The following JAKMIP3 variants were observed in gnomAD, a reference collection of about 807,000 sequenced individuals.
JAKMIP3 encodes the protein Janus kinase and microtubule interacting protein 3, also known as janus kinase and microtubule-interacting protein 3.
JAKMIP3 carries 58 observed loss-of-function variants against 118.5 expected under a neutral mutation model. The observed-to-expected ratio is 0.49, with a 90% CI of 0.40 to 0.61. The LOEUF is 0.61. Among genes scored for constraint, JAKMIP3 ranks in the 20% least tolerant of loss-of-function variants. The pLI is 0.00. For synonymous variants in JAKMIP3, 486 were observed against 451.2 expected, an observed-to-expected ratio of 1.08 and a Z score of -0.98; for missense variants, 950 against 1,109.0, an observed-to-expected ratio of 0.86 and a Z score of 2.04.
chr10:132,046,461 GA>G (rs55907923), intron 1 of JAKMIP3, among the ~76,000 whole-genome samples: 3 of 147,796 alleles, frequency 2.0e-5, no homozygotes, highest in African/African-American at 7.5e-5. Context: ...GTCTCAAAAA[GA>G]AAAAAAAAAC....
At position 132,154,048 on chromosome 10, in the gene JAKMIP3, G is replaced by A. The variant is rs1271384259; in HGVS notation, c.2220+58G>A. On this transcript the variant is annotated intron_variant, in intron 19 of 23. Coordinates refer to ENST00000684848, the MANE Select transcript of JAKMIP3 (RefSeq NM_001323087.2). ...AGGGGCACTGGGCTGAAACGGCCAC[G>A]TGGCTCAGGTGCCCAGCAGTGCCTC... 1.5e-5 allele frequency: 23 copies of A among 1,523,144 alleles called. 1 individual carries two copies. Among genetic ancestry groups the A allele is most frequent in the South Asian group, 3.4e-5 (3 of 88,056 alleles). 94.4% of individuals were successfully genotyped at this position (1,523,144 alleles called of 1,614,324 possible).
intron 19 of JAKMIP3, among the ~76,000 whole-genome samples, chr10:132,162,158 T>C (rs2058420786): frequency 6.6e-6 from 1 of 152,132 alleles, no homozygotes; most frequent in African/African-American, 2.4e-5. Context: ...AGGAGGGGAA[T>C]GACTGGTTCC....
upstream of JAKMIP3, among the ~76,000 whole-genome samples, chr10:132,064,475 C>A (rs1322904145): frequency 6.6e-6 from 1 of 152,006 alleles, no homozygotes; most frequent in Non-Finnish European, 1.5e-5. This position sits in a 1 kb window ranked among gnomAD's most constrained non-coding sequence, Gnocchi z 4.4. Flanking sequence ...TGCTTCAGGG[C>A]AACACGGGAG....
At chr10:132,143,985 G>A (rs954819) in intron 11 of JAKMIP3, 37,460 of 152,320 alleles carry the variant, frequency 0.25, 5,548 homozygotes, top group Non-Finnish European at 0.34. Flanking sequence ...GGACGGCCTG[G>A]GGGCAGGGAG....
chr10:132,072,360 C>G (rs1384003421), intron 1 of JAKMIP3, among the ~76,000 whole-genome samples: 2 of 151,932 alleles, frequency 1.3e-5, no homozygotes, highest in African/African-American at 4.8e-5. Flanking sequence ...GCCTGGGTAA[C>G]ATAGTGAAAC....
At chr10:132,134,722 C>T (rs566601223) in intron 4 of JAKMIP3, among the ~76,000 whole-genome samples, 38 of 152,260 alleles carry the variant, frequency 2.5e-4, no homozygotes, top group Non-Finnish European at 4.7e-4. Context: ...TGCATTTGCA[C>T]GCCCCCGCCC....
At chr10:132,146,866 T>C (rs2054719661) in intron 13 of JAKMIP3, among the ~76,000 whole-genome samples, 1 of 152,232 alleles carries the variant, frequency 6.6e-6, no homozygotes, top group Non-Finnish European at 1.5e-5. Flanking sequence ...CAGTGCTGTG[T>C]GTGCCACGTA....
intron 2 of JAKMIP3, among the ~76,000 whole-genome samples, chr10:132,109,732 T>C (rs1025295100): frequency 2.6e-5 from 4 of 152,198 alleles, no homozygotes; most frequent in Non-Finnish European, 4.4e-5. Flanking sequence ...GGGAAGGGCT[T>C]GAGGCTGTAG....
intron 2 of JAKMIP3, among the ~76,000 whole-genome samples, chr10:132,108,946 TTATA>T (rs956308711): frequency 1.3e-5 from 2 of 149,210 alleles, no homozygotes; most frequent in African/African-American, 4.9e-5. Flanking sequence ...TATATATAAA[TTATA>T]TACGCAAATG....
In JAKMIP3 at chr10:132,150,002, G is replaced by A. The variant is rs373116868; in HGVS notation, c.1968G>A (p.Leu656=). The A allele has an allele frequency of 2.3e-5, 36 of 1,587,506 alleles. No homozygotes were observed. The highest frequency in any genetic ancestry group is 5.8e-5 in the African/African-American group (4 of 68,572). Residue 656 remains leucine (L), a synonymous_variant, in exon 16 of 24, where the codon CTG becomes CTA. Transcript: ENST00000684848. ...EGVTDIVVAE[L]MKKLDILGDN... is the part of the protein sequence containing the mutation. ...CTTAGGACATTGTGGTTGCGGAGCTGATGAAGAAGCTGGACATCCTGGGCG... is the reference window on the plus strand; with the variant it reads ...CTTAGGACATTGTGGTTGCGGAGCTAATGAAGAAGCTGGACATCCTGGGCG...
intron 1 of JAKMIP3, among the ~76,000 whole-genome samples, chr10:132,051,972 A>G (rs1281267853): frequency 6.6e-6 from 1 of 152,236 alleles, no homozygotes; most frequent in Non-Finnish European, 1.5e-5. Flanking sequence ...GCTCACACCC[A>G]GTACTTTGGG....
chr10:132,132,593 G>A (rs1013592686), intron 3 of JAKMIP3, among the ~76,000 whole-genome samples: 2 of 152,240 alleles, frequency 1.3e-5, no homozygotes, highest in African/African-American at 4.8e-5. Context: ...AGCCACTGGT[G>A]GGGCAGACAT....
chr10:132,097,916 TCC>T (rs1400025972), intron 1 of JAKMIP3, among the ~76,000 whole-genome samples: 10 of 21,654 alleles, frequency 4.6e-4, no homozygotes, highest in African/African-American at 9.7e-4. Context: ...CCCTTCCCCT[TCC>T]CCTTTCCTTC....
intron 1 of JAKMIP3, among the ~76,000 whole-genome samples, chr10:132,050,455 G>A (rs1294969185): frequency 6.6e-6 from 1 of 152,180 alleles, no homozygotes; most frequent in African/African-American, 2.4e-5. Context: ...AGGGCGGGAA[G>A]TAGTGGGGTG....
At chr10:132,092,985 ACAGT>A (rs1301723054) in intron 1 of JAKMIP3, among the ~76,000 whole-genome samples, 1 of 152,092 alleles carries the variant, frequency 6.6e-6, no homozygotes, top group Non-Finnish European at 1.5e-5. Context: ...TTTCCTTCTA[ACAGT>A]CAGGACCCTC....
At chr10:132,157,996 G>A (rs2057299409) in intron 19 of JAKMIP3, among the ~76,000 whole-genome samples, 1 of 152,042 alleles carries the variant, frequency 6.6e-6, no homozygotes, top group Non-Finnish European at 1.5e-5. Flanking sequence ...TTTTCTTTCA[G>A]CATTACTTTG....
rs953179225 is a variant in JAKMIP3, at chr10:132,118,111, CAGCTGCCCT to C, written c.633+538_633+546del. On this transcript the variant is annotated intron_variant, in intron 3 of 23. Transcript: ENST00000684848. This position sits in a 1 kb window ranked among gnomAD's most constrained non-coding sequence, Gnocchi z 4.8. ...AGGCCCCGGGGGGTGGGATGGCCCC[CAGCTGCCCT>C]GAGGTCCCTGTCTCTGCAGAACCGT... Among the ~76,000 whole-genome samples, 1 of 152,142 alleles carries C rather than the reference CAGCTGCCCT, an allele frequency of 6.6e-6. No individual in the cohort carries two copies. The highest frequency in any genetic ancestry group is 2.4e-5 in the African/African-American group (1 of 41,430).
In JAKMIP3 at chr10:132,183,540, C is replaced by T. The variant is rs905536383; in HGVS notation, c.*2287C>T. Reference sequence around the variant, plus strand: ...AGGCAAACTATACGGCAAAGAGAAGCATGTAAATATGTACCAAATCCTTAT... The same window carrying T: ...AGGCAAACTATACGGCAAAGAGAAGTATGTAAATATGTACCAAATCCTTAT... On this transcript the variant is annotated 3_prime_UTR_variant, in exon 24 of 24. Transcript: ENST00000684848. The T allele has an allele frequency of 2.0e-5, 3 of 152,190 alleles. No homozygotes were observed. The highest frequency in any genetic ancestry group is 6.5e-5 in the Admixed American group (1 of 15,290). The allele number at this position is 152,190 out of a possible 1,614,324, so 9.4% of individuals were successfully genotyped here.
intron 3 of JAKMIP3, among the ~76,000 whole-genome samples, chr10:132,132,735 G>T (rs553531854): frequency 9.2e-5 from 14 of 152,354 alleles, no homozygotes; most frequent in African/African-American, 3.1e-4. Context: ...AGCATGGAGG[G>T]GCGGTGTCCA....
Sources: allele counts gnomAD v4.1 joint callset (sites outside exome capture counted in the v4.1 genomes callset), GRCh38; gene constraint gnomAD v4.1.1; non-coding constraint Gnocchi (gnomAD v3.1); transcripts MANE v1.5; gene names NCBI Gene and HGNC (gene_info 2026-07-23, HGNC 2026-07-21).